RPTOR: variants seen among roughly 807,000 people sequenced by gnomAD.
The protein encoded by RPTOR is regulatory-associated protein of mTOR.
RPTOR carries 21 observed loss-of-function variants against 169.9 expected under a neutral mutation model. The observed-to-expected ratio is 0.12, with a 90% CI of 0.09 to 0.18. RPTOR has a LOEUF of 0.18. RPTOR is among the 10% of genes least tolerant of loss of function. The pLI is 1.00. For synonymous variants in RPTOR, 732 were observed against 753.2 expected (o/e 0.97, Z 0.46); for missense variants, 1,133 against 1,855.9 (o/e 0.61, Z 7.16).
intron 6 of RPTOR, among the ~76,000 whole-genome samples, chr17:80,788,821 G>A (rs1039534732): frequency 3.3e-5 from 5 of 152,170 alleles, no homozygotes; most frequent in Admixed American, 6.5e-5. Context: ...CAGCTTTGTG[G>A]GTTTTTTGAG....
intron 11 of RPTOR, among the ~76,000 whole-genome samples, chr17:80,852,030 A>G (rs955062135): frequency 5.1e-4 from 77 of 152,186 alleles, no homozygotes; most frequent in African/African-American, 1.8e-3. Context: ...GGTCATCTAG[A>G]AACTTGAGCC....
At position 80,754,030 on chromosome 17, in the gene RPTOR, T is replaced by G. The variant is rs752487778; in HGVS notation, c.675T>G (p.Asn225Lys). 4 of 1,613,866 alleles carry G rather than the reference T, an allele frequency of 2.5e-6. No individual in the cohort carries two copies. The highest frequency in any genetic ancestry group is 3.4e-6 in the Non-Finnish European group (4 of 1,179,806). Residue 225 changes from asparagine (N) to lysine (K), a missense_variant, in exon 6 of 34, where the codon AAT (asparagine) becomes AAG (lysine). Physicochemically the swap from Asn to Lys is moderately conservative, Grantham distance 94. This residue lies in a region of RPTOR where 35 missense variants were observed against 31.8 expected (regional missense o/e 1.10). Transcript: ENST00000306801. The surrounding 1 kb of genome is among the most constrained non-coding windows in gnomAD (Gnocchi z 4.2). The part of the protein sequence containing the change: ...QELEVAAINP[N>K]HPLAQMPLPP... ...TTCAGGTAGCTGCAATCAACCCAAA[T>G]CACCCTCTTGCTCAGATGCCTTTGC...
chr17:80,727,189 C>T (rs953631697), intron 4 of RPTOR, among the ~76,000 whole-genome samples: 22 of 149,268 alleles, frequency 1.5e-4, no homozygotes, highest in African/African-American at 5.0e-4. Context: ...GACCACGTCA[C>T]GCCCCGAGAA....
chr17:80,874,253 G>A (rs2068082072), intron 13 of RPTOR, among the ~76,000 whole-genome samples: 1 of 151,478 alleles, frequency 6.6e-6, no homozygotes, highest in Non-Finnish European at 1.5e-5. Context: ...CTGGAGTGCA[G>A]TGACATGATC....
chr17:80,697,842 A>G (rs1233336819), intron 3 of RPTOR, among the ~76,000 whole-genome samples: 3 of 152,094 alleles, frequency 2.0e-5, no homozygotes, highest in Admixed American at 6.5e-5. Context: ...GGGGACTTGG[A>G]GAGGGGTCAT....
At chr17:80,632,809 A>G (rs187586584) in intron 2 of RPTOR, among the ~76,000 whole-genome samples, 30 of 152,114 alleles carry the variant, frequency 2.0e-4, no homozygotes, top group African/African-American at 6.5e-4. Flanking sequence ...TTACTTGAAA[A>G]TTTTTATTTT....
chr17:80,645,352 C>T (rs923992520), intron 3 of RPTOR, among the ~76,000 whole-genome samples: 5 of 152,224 alleles, frequency 3.3e-5, no homozygotes, highest in African/African-American at 4.8e-5. Context: ...TGTACCTTTG[C>T]GTTTTACTAG....
chr17:80,573,555 T>C (rs1439577290), intron 1 of RPTOR, among the ~76,000 whole-genome samples: 1 of 152,236 alleles, frequency 6.6e-6, no homozygotes, highest in Non-Finnish European at 1.5e-5. Flanking sequence ...ATTTAAGTTT[T>C]TAGCCTGTTA....
intron 2 of RPTOR, among the ~76,000 whole-genome samples, chr17:80,629,056 TTG>T (rs2065418513): frequency 7.0e-6 from 1 of 142,330 alleles, no homozygotes; most frequent in Non-Finnish European, 1.6e-5. Context: ...TCTCTATGTA[TTG>T]TGCTGTTGGA....
intron 2 of RPTOR, among the ~76,000 whole-genome samples, chr17:80,640,385 A>ATT (rs2065543658): frequency 6.6e-6 from 1 of 152,236 alleles, no homozygotes; most frequent in Non-Finnish European, 1.5e-5. Flanking sequence ...CAAATGCTAA[A>ATT]TGCATCGTTT....
In RPTOR at chr17:80,575,006, T is replaced by G. The variant is rs529040442; in HGVS notation, c.162+29215T>G. Reference sequence around the variant, plus strand: ...ATCTTATTATTTCCTTTTTTCTACTTTCCTTGGGTTTGTTTTATTACCTTT... The same window carrying G: ...ATCTTATTATTTCCTTTTTTCTACTGTCCTTGGGTTTGTTTTATTACCTTT... On this transcript the variant is annotated intron_variant, in intron 1 of 33. Transcript: ENST00000306801. Among the ~76,000 whole-genome samples the G allele has an allele frequency of 1.9e-3, 293 of 151,324 alleles. 1 individual carries two copies. Among genetic ancestry groups the G allele is most frequent in the African/African-American group, 6.9e-3 (283 of 41,204 alleles).
intron 3 of RPTOR, among the ~76,000 whole-genome samples, chr17:80,688,261 C>T (rs7501659): frequency 0.18 from 26,694 of 152,066 alleles, 3,740 homozygotes; most frequent in African/African-American, 0.39. Flanking sequence ...TCTCCACTCC[C>T]TTCACCCCCA....
At chr17:80,940,432 A>G in intron 24 of RPTOR, 64 bp from the exon 25 acceptor site, 1 of 1,429,438 alleles carries the variant, frequency 7.0e-7, no homozygotes, top group South Asian at 1.2e-5. Flanking sequence ...CCCATACCCC[A>G]TTGATACCAA....
In RPTOR at chr17:80,709,173, C is replaced by T. The variant is rs191750052; in HGVS notation, c.507+1174C>T. The T allele has an allele frequency of 3.2e-5, 23 of 724,644 alleles. 1 individual carries two copies. In the African/African-American group the frequency reaches 4.2e-4, roughly 13 times the overall value. The allele number at this position is 724,644 out of a possible 1,614,324, so 44.9% of individuals were successfully genotyped here. ...CAGTGCCATCTCTCCCCGTGTGTATCTGGATACCAGCTTGATTTTAATTCC... is the reference window on the plus strand; with the variant it reads ...CAGTGCCATCTCTCCCCGTGTGTATTTGGATACCAGCTTGATTTTAATTCC... On this transcript the variant is annotated intron_variant, in intron 4 of 33. Coordinates refer to ENST00000306801, the MANE Select transcript of RPTOR (RefSeq NM_020761.3).
At chr17:80,748,686 A>G (rs1286083562) in intron 5 of RPTOR, among the ~76,000 whole-genome samples, 62 of 63,084 alleles carry the variant, frequency 9.8e-4, no homozygotes, top group African/African-American at 2.2e-3. Context: ...GTGTGTGTTT[A>G]GAGGCTGTGG....
At chr17:80,652,385 A>C (rs1230411646) in intron 3 of RPTOR, among the ~76,000 whole-genome samples, 1 of 152,176 alleles carries the variant, frequency 6.6e-6, no homozygotes, top group Admixed American at 6.5e-5. Flanking sequence ...GGTACTCCAC[A>C]CAAATGGAGC....
In RPTOR at chr17:80,743,853, AGAGCC is replaced by A. The variant is rs2066519842; in HGVS notation, c.655-10156_655-10152del. Among the ~76,000 whole-genome samples the A allele has an allele frequency of 1.1e-4, 13 of 119,040 alleles. 1 individual carries two copies. Among genetic ancestry groups the A allele is most frequent in the Non-Finnish European group, 1.4e-4 (8 of 55,484 alleles). 78.1% of individuals were successfully genotyped at this position (119,040 alleles called of 152,430 possible). A position where few individuals can be genotyped will look rare whatever the true frequency, so the allele number is the denominator to read the frequency against. The stretch of plus-strand genomic sequence containing the variant: ...TACTAGCACAGCCCTGGTTACTAGC[AGAGCC>A]CTGGCTACTAGCACAGCCCTGGCTA... On this transcript the variant is annotated intron_variant, in intron 5 of 33. Coordinates refer to ENST00000306801, the MANE Select transcript of RPTOR (RefSeq NM_020761.3).
At chr17:80,735,373 A>C (rs1229637958) in intron 5 of RPTOR, among the ~76,000 whole-genome samples, 1 of 152,256 alleles carries the variant, frequency 6.6e-6, no homozygotes, top group Non-Finnish European at 1.5e-5. Context: ...GAATATTTAT[A>C]GTCATCGTAC....
At chr17:80,638,367 C>T (rs1354398148) in intron 2 of RPTOR, among the ~76,000 whole-genome samples, 1 of 150,712 alleles carries the variant, frequency 6.6e-6, no homozygotes, top group African/African-American at 2.4e-5. Flanking sequence ...AACCTTGGCT[C>T]TTTGGGGCTT....
Sources: allele counts gnomAD v4.1 joint callset (sites outside exome capture counted in the v4.1 genomes callset), GRCh38; gene constraint gnomAD v4.1.1; regional missense constraint gnomAD v4.1.1; non-coding constraint Gnocchi (gnomAD v3.1); transcripts MANE v1.5; gene names NCBI Gene and HGNC (gene_info 2026-07-23, HGNC 2026-07-21).